The following ZNF280D variants were observed in gnomAD, a reference collection of about 807,000 sequenced individuals.
ZNF280D encodes the protein suppressor of hairy wing homolog 4.
In ZNF280D, 39 loss-of-function variants were observed where a neutral mutation model predicts 94.7. The observed-to-expected ratio is 0.41, with a 90% confidence interval of 0.32 to 0.54. The LOEUF is 0.54. ZNF280D is among the 20% of genes least tolerant of loss of function. The pLI is 0.22. For synonymous variants in ZNF280D, 398 were observed against 377.6 expected (o/e 1.05, Z -0.63); for missense variants, 1,090 against 1,149.3 (o/e 0.95, Z 0.75).
At chr15:56,673,806 C>G (rs1337449649) in intron 13 of ZNF280D, among the ~76,000 whole-genome samples, 1 of 152,022 alleles carries the variant, frequency 6.6e-6, no homozygotes, top group Non-Finnish European at 1.5e-5. Context: ...TATATAATGT[C>G]ACCTCTCCGA....
chr15:56,724,708 T>C, intron 1 of ZNF280D: 1 of 252,712 alleles, frequency 4.0e-6, no homozygotes, highest in South Asian at 4.3e-5. Context: ...ATACGGTAAC[T>C]GTGAACATAC....
At chr15:56,695,687 G>A (rs1269973354) in intron 6 of ZNF280D, among the ~76,000 whole-genome samples, 1 of 151,790 alleles carries the variant, frequency 6.6e-6, no homozygotes, top group Admixed American at 6.6e-5. Flanking sequence ...ACACCACCAT[G>A]CCCAGCTAAT....
Position 56,685,720 on chromosome 15 carries a change from A to T in ZNF280D, c.781-3243T>A, listed in dbSNP as rs142271476. Among the ~76,000 whole-genome samples, 434 of 152,304 alleles carry T rather than the reference A, an allele frequency of 2.8e-3. 2 individuals carry two copies. Among genetic ancestry groups the T allele is most frequent in the African/African-American group, 0.01 (416 of 41,580 alleles). ...AGAAGACTAGTGGAGTTATACATTA[A>T]AATTAGAAACATAATCAGGAGAACA... On this transcript the variant is annotated intron_variant, in intron 9 of 21. Transcript: ENST00000267807.
intron 1 of ZNF280D, chr15:56,730,124 C>T (rs555964367): frequency 1.3e-5 from 2 of 152,036 alleles, no homozygotes; most frequent in South Asian, 4.2e-4. Flanking sequence ...TACACTTTTC[C>T]TCGTATACTG....
chr15:56,638,921 T>C (rs2052482509), intron 20 of ZNF280D, among the ~76,000 whole-genome samples: 1 of 151,934 alleles, frequency 6.6e-6, no homozygotes. Context: ...ATTCTTTAAT[T>C]ATGTATGGGC....
intron 1 of ZNF280D, among the ~76,000 whole-genome samples, chr15:56,718,487 T>G (rs2058164442): frequency 6.6e-6 from 1 of 152,242 alleles, no homozygotes; most frequent in Non-Finnish European, 1.5e-5. Context: ...TTAACATTTT[T>G]GTAAATGCAA....
At chr15:56,695,937 ACT>A (rs1398364795) in intron 6 of ZNF280D, among the ~76,000 whole-genome samples, 1 of 152,152 alleles carries the variant, frequency 6.6e-6, no homozygotes, top group Non-Finnish European at 1.5e-5. Context: ...ACTTTTCTAA[ACT>A]CTGTCCCCAA....
At chr15:56,675,859 G>A (rs966988248) in intron 13 of ZNF280D, among the ~76,000 whole-genome samples, 1 of 152,028 alleles carries the variant, frequency 6.6e-6, no homozygotes, top group Non-Finnish European at 1.5e-5. Flanking sequence ...TTGATTACAT[G>A]ATCAGATTCG....
chr15:56,729,746 T>C (rs2058796922), intron 1 of ZNF280D: 1 of 152,154 alleles, frequency 6.6e-6, no homozygotes, highest in Non-Finnish European at 1.5e-5. Context: ...AAGGGAATGT[T>C]GTCTTACCCT....
intron 19 of ZNF280D, among the ~76,000 whole-genome samples, chr15:56,646,717 G>T (rs1269964496): frequency 2.0e-5 from 3 of 152,138 alleles, no homozygotes; most frequent in African/African-American, 7.2e-5. Context: ...TCACTGTGAA[G>T]AAAACACAAT....
chr15:56,715,773 A>G (rs1349218374), intron 1 of ZNF280D, among the ~76,000 whole-genome samples: 1 of 152,120 alleles, frequency 6.6e-6, no homozygotes, highest in Non-Finnish European at 1.5e-5. Flanking sequence ...AAGATGTACC[A>G]GAAGATCTAC....
chr15:56,715,961 T>C (rs546490026), intron 1 of ZNF280D, among the ~76,000 whole-genome samples: 3 of 152,282 alleles, frequency 2.0e-5, no homozygotes, highest in African/African-American at 2.4e-5. Flanking sequence ...TTACATAGCA[T>C]TTACTTTGTA....
intron 3 of ZNF280D, among the ~76,000 whole-genome samples, chr15:56,704,540 G>C (rs1251136222): frequency 6.6e-6 from 1 of 152,192 alleles, no homozygotes; most frequent in Non-Finnish European, 1.5e-5. Context: ...GTGAAAGTGA[G>C]TTTTAGTCGT....
At chr15:56,713,618 G>A (rs541279301) in intron 1 of ZNF280D, among the ~76,000 whole-genome samples, 2 of 152,184 alleles carry the variant, frequency 1.3e-5, no homozygotes, top group South Asian at 4.2e-4. Context: ...GAGCTTAAAG[G>A]ATACAAAGTG....
intron 17 of ZNF280D, 93 bp from the exon 18 acceptor site, chr15:56,654,596 C>A (rs531055063): frequency 2.7e-6 from 3 of 1,120,212 alleles, no homozygotes; most frequent in Non-Finnish European, 3.8e-6. Context: ...GCTTTTTGTG[C>A]CATACATAAC....
intron 13 of ZNF280D, among the ~76,000 whole-genome samples, chr15:56,670,540 C>A (rs928014774): frequency 6.6e-6 from 1 of 152,108 alleles, no homozygotes; most frequent in Non-Finnish European, 1.5e-5. Context: ...TCTTTGGCTG[C>A]ATAGTATTCC....
intron 21 of ZNF280D, among the ~76,000 whole-genome samples, chr15:56,634,963 A>T (rs371206586): frequency 6.6e-5 from 10 of 152,140 alleles, no homozygotes; most frequent in African/African-American, 2.4e-4. Flanking sequence ...TCAAAAATTT[A>T]ACAACATAAA....
chr15:56,712,229 C>T (rs1464591824), intron 1 of ZNF280D, among the ~76,000 whole-genome samples: 1 of 152,074 alleles, frequency 6.6e-6, no homozygotes, highest in Non-Finnish European at 1.5e-5. Flanking sequence ...CTCATATAAA[C>T]ATAACACACT....
At chr15:56,688,427 C>A (rs145962496) in intron 9 of ZNF280D, among the ~76,000 whole-genome samples, 6,966 of 145,464 alleles carry the variant, frequency 0.048, 216 homozygotes, top group South Asian at 0.11. Flanking sequence ...GGAGGTGGAG[C>A]TTGCAGTCCC....
Sources: gnomAD v4.1 joint callset for allele counts (sites outside exome capture counted in the v4.1 genomes callset) on GRCh38, gnomAD v4.1.1 for gene constraint, MANE v1.5 for transcripts, NCBI Gene and HGNC (gene_info 2026-07-23, HGNC 2026-07-21) for gene names.